Variants in CACNA1B observed in about 807,000 individuals in gnomAD.
CACNA1B encodes the protein voltage-dependent N-type calcium channel subunit alpha-1B.
A neutral mutation model predicts 247.2 loss-of-function variants in CACNA1B; 70 were observed. That is an observed-to-expected ratio of 0.28 (90% CI 0.23 to 0.35). The LOEUF (loss-of-function observed/expected upper bound fraction) is 0.35, where lower values mean the gene tolerates loss of function less well. Among genes scored for constraint, CACNA1B ranks in the 10% least tolerant of loss-of-function variants. The probability of loss-of-function intolerance (pLI) is 1.00; values close to 1 mark genes in which losing one functional copy is unlikely to be tolerated. For synonymous variants in CACNA1B, 1,231 were observed against 1,294.4 expected (o/e 0.95, Z 1.05); for missense variants, 2,367 against 3,197.4 (o/e 0.74, Z 6.26).
rs140845070 is a variant in CACNA1B, at chr9:137,988,295, G to C, written c.1974+1441G>C. Among the ~76,000 whole-genome samples the C allele has an allele frequency of 2.1e-3, 321 of 152,314 alleles. 2 individuals are homozygous for C. The highest frequency in any genetic ancestry group is 2.9e-3 in the Non-Finnish European group (195 of 68,026). ...GCAGCAAAAACGTGAGGAGTGTCTG[G>C]GGTGGCGACAAGGTGGCAGGTGTGG... is the stretch of plus-strand genomic sequence containing the variant. On this transcript the variant is annotated intron_variant, in intron 15 of 46. Transcript: ENST00000371372.
intron 36 of CACNA1B, among the ~76,000 whole-genome samples, chr9:138,095,984 A>G (rs1313629981): frequency 6.6e-6 from 1 of 152,126 alleles, no homozygotes; most frequent in Non-Finnish European, 1.5e-5. Context: ...AATGTGTATG[A>G]GGTATTCTTC....
chr9:138,030,462 A>G (rs953385341), intron 20 of CACNA1B, among the ~76,000 whole-genome samples: 3 of 151,808 alleles, frequency 2.0e-5, no homozygotes, highest in African/African-American at 7.3e-5. Flanking sequence ...TTATTTCTCT[A>G]TGTTGCTGAA....
At chr9:137,953,813 A>G (rs1180297966) in intron 7 of CACNA1B, among the ~76,000 whole-genome samples, 1 of 151,876 alleles carries the variant, frequency 6.6e-6, no homozygotes, top group Non-Finnish European at 1.5e-5. Flanking sequence ...TTGTGGGGAG[A>G]GGGCACAGGG....
Position 138,118,095 on chromosome 9 carries a change from G to A in CACNA1B, c.5913+14G>A. ...TCAGGAGCACTGGTGAGCACTCCCG[G>A]GGGCTAGTGAGACTGGGTTGGGGGA... On this transcript the variant is annotated intron_variant, in intron 43 of 46. Transcript: ENST00000371372. The A allele has an allele frequency of 6.5e-7, 1 of 1,544,080 alleles. No homozygotes were observed.
chr9:138,044,051 G>C (rs943563544), intron 21 of CACNA1B, among the ~76,000 whole-genome samples, 151 bp downstream of exon 21: 4 of 152,180 alleles, frequency 2.6e-5, no homozygotes, highest in Admixed American at 2.6e-4. Context: ...GCACGTGCCC[G>C]TGTGACCTCA....
chr9:138,090,638 C>CTGACAGAG (rs1960843067), intron 36 of CACNA1B, among the ~76,000 whole-genome samples: 3 of 119,306 alleles, frequency 2.5e-5, no homozygotes, highest in Admixed American at 1.1e-4. Context: ...GAAAATATTG[C>CTGACAGAG]AAACTATTTA....
At chr9:138,075,974 TGAA>T in intron 35 of CACNA1B, 64 bp downstream of exon 35, 2 of 1,089,638 alleles carry the variant, frequency 1.8e-6, no homozygotes. Flanking sequence ...TTACTCAGGA[TGAA>T]GAAGGCTGGG....
At chr9:137,951,714 A>C (rs982019681) in intron 6 of CACNA1B, among the ~76,000 whole-genome samples, 1 of 152,270 alleles carries the variant, frequency 6.6e-6, no homozygotes, top group Non-Finnish European at 1.5e-5. Flanking sequence ...CTTTGCTTTC[A>C]GCTATTCAGA....
chr9:138,081,353 G>T (rs893544373), intron 36 of CACNA1B, among the ~76,000 whole-genome samples: 17 of 152,204 alleles, frequency 1.1e-4, no homozygotes, highest in Non-Finnish European at 2.2e-4. Flanking sequence ...ATGGTTCTTG[G>T]CTAACCCTGG....
chr9:137,943,523 G>A (rs1037098415), intron 6 of CACNA1B, among the ~76,000 whole-genome samples: 2 of 152,282 alleles, frequency 1.3e-5, no homozygotes, highest in South Asian at 4.1e-4. Flanking sequence ...GTGTTTTGGT[G>A]TAGGGTAAGC....
chr9:137,918,115 C>T (rs745355061), intron 6 of CACNA1B, among the ~76,000 whole-genome samples: 7 of 152,168 alleles, frequency 4.6e-5, no homozygotes, highest in Non-Finnish European at 7.3e-5. Context: ...CCTGTTTCCT[C>T]TTTGGTCTCC....
rs567345765 is a variant in CACNA1B, at chr9:138,120,826, TCAG to T, written c.6439_6441del (p.Ser2147del). ...GAGCCCCCGAAGCCCAAGCCCTCCC[TCAG>T]CAGCCACCCAACGTCGCCAACAGCT... is the stretch of plus-strand genomic sequence containing the variant. On this transcript the variant is annotated inframe_deletion, in exon 46 of 47. Transcript: ENST00000371372. 4.6e-5 allele frequency: 72 copies of T among 1,568,768 alleles called. 1 individual carries two copies. In the South Asian group the frequency reaches 7.7e-4, roughly 17 times the overall value.
At chr9:137,929,758 T>A (rs1472490446) in intron 6 of CACNA1B, among the ~76,000 whole-genome samples, 3 of 151,908 alleles carry the variant, frequency 2.0e-5, no homozygotes, top group African/African-American at 7.3e-5. Flanking sequence ...GCTCAAGTAA[T>A]CCTCCCACCT....
Position 137,957,134 on chromosome 9 carries a change from G to C in CACNA1B, c.1243+307G>C, listed in dbSNP as rs1215846285. ...GAGGGAGCCCGGGCCCCACTGCTGT[G>C]GTTGCTGGCACTAGTTACCAGCATA... is the stretch of plus-strand genomic sequence containing the variant. On this transcript the variant is annotated intron_variant, in intron 9 of 46. Transcript: ENST00000371372. This position sits in a 1 kb window ranked among gnomAD's most constrained non-coding sequence, Gnocchi z 4.7. 1.3e-5 allele frequency among the ~76,000 whole-genome samples: 2 copies of C among 152,192 alleles called. No homozygotes were observed. Among genetic ancestry groups the C allele is most frequent in the Non-Finnish European group, 2.9e-5 (2 of 68,028 alleles).
rs1416326059 is a variant in CACNA1B, at chr9:137,937,834, C to T, written c.967-14440C>T. On this transcript the variant is annotated intron_variant, in intron 6 of 46. Transcript: ENST00000371372. ...TGGTGGTGCACGCCTGTAATCCCAG[C>T]TACTCGGGAGGCTGAGGTAAGAGAA... Among the ~76,000 whole-genome samples, 9 of 150,790 alleles carry T rather than the reference C, an allele frequency of 6.0e-5. No homozygotes were observed. The East Asian group carries it at 1.8e-3, about 30-fold the overall frequency.
chr9:138,076,786 A>T (rs972817298), intron 35 of CACNA1B, among the ~76,000 whole-genome samples: 7 of 152,192 alleles, frequency 4.6e-5, no homozygotes, highest in Admixed American at 3.3e-4. Context: ...CATGTGTGCA[A>T]ATGCACTGGG....
chr9:138,043,649 C>T, intron 20 of CACNA1B, 125 bp from the exon 21 acceptor site: 3 of 1,019,930 alleles, frequency 2.9e-6, no homozygotes, highest in Admixed American at 2.0e-5. Flanking sequence ...TAGCTGCTTG[C>T]CCATCCCTGG....
intron 17 of CACNA1B, 28 bp from the exon 18 acceptor site, chr9:138,013,101 A>T: frequency 6.5e-7 from 1 of 1,544,446 alleles, no homozygotes; most frequent in Non-Finnish European, 8.9e-7. Context: ...CTGTGAGGGG[A>T]ACTGGACATT....
chr9:138,121,244 A>G lies in CACNA1B; in HGVS notation c.6490-225A>G, dbSNP rs1412736822. Among the ~76,000 whole-genome samples the G allele has an allele frequency of 2.0e-5, 3 of 150,170 alleles. No individual in the cohort carries two copies. Among genetic ancestry groups the G allele is most frequent in the Non-Finnish European group, 4.4e-5 (3 of 67,512 alleles). The stretch of plus-strand genomic sequence containing the variant: ...CCCTGGCCCCAGCCTGTCCCTTCCC[A>G]TCACCTGCTCTCCCCAACCCCATTC... On this transcript the variant is annotated intron_variant, in intron 46 of 46. Transcript: ENST00000371372. This position sits in a 1 kb window ranked among gnomAD's most constrained non-coding sequence, Gnocchi z 6.8.
Sources: allele counts gnomAD v4.1 joint callset (sites outside exome capture counted in the v4.1 genomes callset), GRCh38; gene constraint gnomAD v4.1.1; non-coding constraint Gnocchi (gnomAD v3.1); transcripts MANE v1.5; gene names NCBI Gene and HGNC (gene_info 2026-07-23, HGNC 2026-07-21).